Variants in ATIC observed in about 807,000 individuals in gnomAD.
The protein encoded by ATIC is 5-aminoimidazole-4-carboxamide ribonucleotide formyltransferase/IMP cyclohydrolase.
In ATIC, 64 loss-of-function variants were observed where a neutral mutation model predicts 72.5. The ratio of observed to expected loss-of-function variants is 0.88; its 90% CI spans 0.72 to 1.09. The LOEUF is 1.09. Ranked by LOEUF, ATIC falls within the 50% of genes least tolerant of loss-of-function variation. ATIC has a pLI of 0.00. For synonymous variants in ATIC, 281 were observed against 267.1 expected, an observed-to-expected ratio of 1.05 and a Z score of -0.51; for missense variants, 787 against 732.4, an observed-to-expected ratio of 1.07 and a Z score of -0.86.
In ATIC at chr2:215,336,074, G is replaced by C; in HGVS notation, c.1048G>C (p.Ala350Pro). 1 of 1,613,182 alleles carries C rather than the reference G, an allele frequency of 6.2e-7. No individual in the cohort carries two copies. The change falls in exon 11 of 16, where the codon GCC (alanine) becomes CCC (proline). Residue 350 changes from alanine (A) to proline (P), a missense_variant. Transcript: ENST00000236959. ...AATTGCCCCAGGATATGAAGAAGAA[G>C]CCTTGACAATACTTTCCAAAAAGAA... ...GIIAPGYEEE[A>P]LTILSKKKNG... is the part of the protein sequence containing the mutation.
chr2:215,345,155 G>T (rs1427302218), intron 13 of ATIC: 9 of 453,280 alleles, frequency 2.0e-5, no homozygotes, highest in Non-Finnish European at 3.7e-5. Flanking sequence ...TACAAAACTG[G>T]ATTATTTCCT....
At chr2:215,314,293 A>G (rs2052685785) in intron 2 of ATIC, among the ~76,000 whole-genome samples, 2 of 152,164 alleles carry the variant, frequency 1.3e-5, no homozygotes, top group African/African-American at 2.4e-5. Flanking sequence ...ACTTGGAGCA[A>G]TTGTTTTTTC....
At chr2:215,315,453 C>T (rs532946599) in intron 2 of ATIC, among the ~76,000 whole-genome samples, 1 of 152,254 alleles carries the variant, frequency 6.6e-6, no homozygotes, top group African/African-American at 2.4e-5. Flanking sequence ...ATCTCCCAGG[C>T]TGAGGCAATC....
chr2:215,312,664 C>T (rs1171274944), intron 2 of ATIC, 40 bp downstream of exon 2: 1 of 1,613,854 alleles, frequency 6.2e-7, no homozygotes, highest in Non-Finnish European at 8.5e-7. Flanking sequence ...AGTGTGATCA[C>T]ATTAACCAGG....
intron 8 of ATIC, among the ~76,000 whole-genome samples, 169 bp downstream of exon 8, chr2:215,332,676 C>T (rs1296183045): frequency 6.6e-6 from 1 of 152,188 alleles, no homozygotes; most frequent in Non-Finnish European, 1.5e-5. Flanking sequence ...TACACACACA[C>T]ACACAGAATT....
downstream of ATIC, among the ~76,000 whole-genome samples, chr2:215,351,041 A>G (rs2053126763): frequency 1.3e-5 from 2 of 152,234 alleles, no homozygotes; most frequent in African/African-American, 4.8e-5. Flanking sequence ...ACTGCAGAAA[A>G]AATAAGACTT....
At chr2:215,365,409 TAA>T in the ATIC span, 1 of 1,363,752 alleles carries the variant, frequency 7.3e-7, no homozygotes, top group Non-Finnish European at 1.0e-6. Context: ...CAAGGAGACC[TAA>T]AGTCTCCAAT....
Position 215,325,295 on chromosome 2 carries a change from A to G in ATIC, c.345A>G (p.Val115=), listed in dbSNP as rs1303695832. Residue 115 remains valine (V), a synonymous_variant, in exon 5 of 16, where the codon GTA becomes GTG. Coordinates refer to ENST00000236959, the MANE Select transcript of ATIC (RefSeq NM_004044.7). ...TAAAGACAGTGGCTTCTCCAGGTGTAACTGTTGAGGAGGCTGTGGAGCAAA... is the reference window on the plus strand; with the variant it reads ...TAAAGACAGTGGCTTCTCCAGGTGTGACTGTTGAGGAGGCTGTGGAGCAAA... ...PFVKTVASPG[V]TVEEAVEQID... 1.9e-6 allele frequency: 3 copies of G among 1,613,876 alleles called. No individual in the cohort carries two copies. The highest frequency in any genetic ancestry group is 1.7e-4 in the Middle Eastern group (1 of 6,058).
chr2:215,353,085 T>G (rs1162616263), downstream of ATIC, among the ~76,000 whole-genome samples: 1 of 152,214 alleles, frequency 6.6e-6, no homozygotes, highest in Admixed American at 6.5e-5. Context: ...CCTATATATT[T>G]GAGGTTAAAA....
At chr2:215,346,152 T>TTATTTATG (rs1268543856) in intron 13 of ATIC, among the ~76,000 whole-genome samples, 3 of 151,806 alleles carry the variant, frequency 2.0e-5, no homozygotes, top group Non-Finnish European at 4.4e-5. Context: ...GTCATTAGTT[T>TTATTTATG]TATTTATTTA....
At position 215,349,137 on chromosome 2, in the gene ATIC, C is replaced by T. The variant is rs777807688; in HGVS notation, c.1547C>T (p.Pro516Leu). The change falls in exon 15 of 16, where the codon CCT becomes CTT. Residue 516 changes from proline to leucine, a missense_variant. Coordinates refer to ENST00000236959, the MANE Select transcript of ATIC (RefSeq NM_004044.7). ...IKWKALFEEVPELLTEAEKKE... is the reference protein window; with the variant it reads ...IKWKALFEEVLELLTEAEKKE... The stretch of plus-strand genomic sequence containing the variant: ...TGGAAGGCACTGTTTGAGGAAGTCC[C>T]TGAGTTACTCACTGAGGCAGAGAAG... 74 of 1,614,012 alleles carry T rather than the reference C, an allele frequency of 4.6e-5. No individual in the cohort carries two copies. Among genetic ancestry groups the T allele is most frequent in the Non-Finnish European group, 6.2e-5 (73 of 1,179,984 alleles).
chr2:215,322,692 A>G (rs2052781883), intron 4 of ATIC, among the ~76,000 whole-genome samples: 1 of 152,074 alleles, frequency 6.6e-6, no homozygotes, highest in Admixed American at 6.5e-5. Flanking sequence ...TCTTTGGTTC[A>G]TTTTAAGTTA....
chr2:215,349,252 A>G lies in ATIC; in HGVS notation c.1659+3A>G, dbSNP rs528991944. On this transcript the variant is annotated splice_donor_region_variant and intron_variant, in intron 15 of 15. Coordinates refer to ENST00000236959, the MANE Select transcript of ATIC (RefSeq NM_004044.7). ...ATAACGTAGACAGAGCTAAAAGGGT[A>G]AGTATGGAATTGGGTGCATTTGCTT... 6.2e-7 allele frequency: 1 copy of G among 1,614,122 alleles called. No individual in the cohort carries two copies. Among genetic ancestry groups the G allele is most frequent in the African/African-American group, 1.3e-5 (1 of 75,042 alleles).
At chr2:215,313,525 G>A (rs551885130) in intron 2 of ATIC, among the ~76,000 whole-genome samples, 1 of 152,172 alleles carries the variant, frequency 6.6e-6, no homozygotes, top group Non-Finnish European at 1.5e-5. Flanking sequence ...CTATAGGATA[G>A]CTATTTAATA....
At chr2:215,350,040 A>G (rs1176788502), downstream of ATIC, among the ~76,000 whole-genome samples, 1 of 152,072 alleles carries the variant, frequency 6.6e-6, no homozygotes, top group African/African-American at 2.4e-5. Flanking sequence ...ATTACCTAGA[A>G]TTCTTCTGCA....
At chr2:215,345,016 A>T (rs1054229252) in intron 13 of ATIC, 145 bp downstream of exon 13, 5 of 847,256 alleles carry the variant, frequency 5.9e-6, no homozygotes, top group Non-Finnish European at 9.6e-6. Context: ...TTTCCTCAGT[A>T]CCCTGGTGGG....
rs201608613 is a variant in ATIC, at chr2:215,326,104, C to T, written c.497C>T (p.Thr166Ile). The T allele has an allele frequency of 9.3e-6, 15 of 1,614,084 alleles. No homozygotes were observed. Among genetic ancestry groups the T allele is most frequent in the East Asian group, 2.2e-5 (1 of 44,870 alleles). ...TEMQSSESKD[T>I]SLETRRQLAL... ...ATGCAGAGCTCCGAGAGTAAGGACA[C>T]CTCCTTGGAGACTAGACGCCAGTTA... Residue 166 changes from threonine (T) to isoleucine (I), a missense_variant, in exon 6 of 16, where the codon ACC becomes ATC. Physicochemically the swap from Thr to Ile is moderately conservative, Grantham distance 89. Transcript: ENST00000236959.
In ATIC at chr2:215,334,529, A is replaced by G. The variant is rs1270324305; in HGVS notation, c.923-390A>G. Among the ~76,000 whole-genome samples, 5 of 152,262 alleles carry G rather than the reference A, an allele frequency of 3.3e-5. No homozygotes were observed. The East Asian group carries it at 7.7e-4, about 24-fold the overall frequency. On this transcript the variant is annotated intron_variant, in intron 9 of 15. Transcript: ENST00000236959. ...CATTTGGTTAGAGTCATGTTTTATCAGAGACATTTACTTGTTGAATTTAAT... is the reference window on the plus strand; with the variant it reads ...CATTTGGTTAGAGTCATGTTTTATCGGAGACATTTACTTGTTGAATTTAAT...
chr2:215,345,154 G>T, intron 13 of ATIC: 1 of 454,132 alleles, frequency 2.2e-6, no homozygotes, highest in Non-Finnish European at 4.1e-6. Context: ...TTACAAAACT[G>T]GATTATTTCC....
Sources: gnomAD v4.1 joint callset for allele counts (sites outside exome capture counted in the v4.1 genomes callset) on GRCh38, gnomAD v4.1.1 for gene constraint, MANE v1.5 for transcripts, NCBI Gene and HGNC (gene_info 2026-07-23, HGNC 2026-07-21) for gene names.